The following CASD1 variants were observed in gnomAD, a reference collection of about 807,000 sequenced individuals.
CASD1 encodes the protein CAS1 domain sialic acid O acetyltransferase 1.
A neutral mutation model predicts 100.0 loss-of-function variants in CASD1; 41 were observed. The observed-to-expected ratio is 0.41, with a 90% CI of 0.32 to 0.53. CASD1 has a LOEUF of 0.53. CASD1 is among the 20% of genes least tolerant of loss of function. The pLI, the probability that CASD1 is intolerant of heterozygous loss-of-function variation, is 0.25. For synonymous variants in CASD1, 321 were observed against 315.6 expected (o/e 1.02, Z -0.18); for missense variants, 774 against 948.7 (o/e 0.82, Z 2.42).
At chr7:94,623,493 C>T in the CASD1 span, 1 of 812,392 alleles carries the variant, frequency 1.2e-6, no homozygotes, top group Non-Finnish European at 2.1e-6. Flanking sequence ...TCATTCTTTC[C>T]ATTTTCATTA....
At chr7:94,588,269 TC>T in the CASD1 span, 2 of 1,044,272 alleles carry the variant, frequency 1.9e-6, no homozygotes, top group Non-Finnish European at 2.3e-6. Context: ...TTCTCATTTA[TC>T]CCCCTGAAGC....
At chr7:94,601,704 T>C in the CASD1 span, among the ~76,000 whole-genome samples, 1 of 152,082 alleles carries the variant, frequency 6.6e-6, no homozygotes, top group Admixed American at 6.6e-5. Context: ...AATAATACAG[T>C]GTTAGTAAAA....
chr7:94,622,573 T>A, the CASD1 span: 2 of 149,144 alleles, frequency 1.3e-5, no homozygotes, highest in Non-Finnish European at 3.0e-5. Flanking sequence ...AGGTTGCAGT[T>A]AGCCGAGATG....
At chr7:94,618,873 A>G in the CASD1 span, 2 of 1,613,946 alleles carry the variant, frequency 1.2e-6, no homozygotes, top group Middle Eastern at 1.6e-4. Context: ...GCGCCAAGAA[A>G]GTCTCCAAGA....
At chr7:94,601,443 CAAAAAAAAAAAAA>C in the CASD1 span, among the ~76,000 whole-genome samples, 37 of 89,340 alleles carry the variant, frequency 4.1e-4, no homozygotes, top group African/African-American at 1.6e-3. Context: ...ATCCCAGTAT[CAAAAAAAAAAAAA>C]AAAAAAAAAA....
At chr7:94,567,202 A>G in the CASD1 span, among the ~76,000 whole-genome samples, 1 of 151,140 alleles carries the variant, frequency 6.6e-6, no homozygotes, top group Middle Eastern at 3.4e-3. Flanking sequence ...TTGCTTCGTG[A>G]TTGTCAGAGG....
At chr7:94,595,417 A>T in the CASD1 span, among the ~76,000 whole-genome samples, 1 of 152,158 alleles carries the variant, frequency 6.6e-6, no homozygotes, top group Non-Finnish European at 1.5e-5. Context: ...CAATCTGAAG[A>T]ATAAACATGA....
chr7:94,522,793 G>A (rs980966410), intron 3 of CASD1, among the ~76,000 whole-genome samples: 1 of 152,076 alleles, frequency 6.6e-6, no homozygotes, highest in Non-Finnish European at 1.5e-5. Flanking sequence ...CAGTAGCTGG[G>A]ACTACAGGCG....
At chr7:94,532,337 T>A (rs1794891602) in intron 5 of CASD1, among the ~76,000 whole-genome samples, 1 of 152,118 alleles carries the variant, frequency 6.6e-6, no homozygotes, top group Non-Finnish European at 1.5e-5. Context: ...ATTTTTGAGC[T>A]TTGGGGTCAT....
the CASD1 span, chr7:94,598,082 T>C: frequency 1.3e-5 from 2 of 156,934 alleles, no homozygotes; most frequent in East Asian, 3.8e-4. Flanking sequence ...TATAAAAATG[T>C]GGCCACTAGG....
chr7:94,536,588 T>C (rs986165950), intron 8 of CASD1, among the ~76,000 whole-genome samples: 2 of 152,160 alleles, frequency 1.3e-5, no homozygotes, highest in African/African-American at 4.8e-5. Context: ...TAAAAACTGG[T>C]TAAGAACCTT....
the CASD1 span, chr7:94,603,523 A>G: frequency 6.9e-7 from 1 of 1,444,582 alleles, no homozygotes; most frequent in Non-Finnish European, 9.6e-7. Flanking sequence ...TCCACCTTAA[A>G]AGCAGGATTT....
chr7:94,613,931 T>C, the CASD1 span, among the ~76,000 whole-genome samples: 2 of 151,826 alleles, frequency 1.3e-5, no homozygotes, highest in African/African-American at 4.8e-5. Flanking sequence ...AAAAGTAAGA[T>C]ACAAAATAAA....
chr7:94,629,534 A>G, the CASD1 span: 4 of 589,256 alleles, frequency 6.8e-6, no homozygotes, highest in Non-Finnish European at 1.2e-5. Flanking sequence ...ACATTCAAAA[A>G]TAAATTATTT....
intron 1 of CASD1, 80 bp downstream of exon 1, chr7:94,510,297 A>C (rs1170787842): frequency 9.1e-7 from 1 of 1,093,102 alleles, no homozygotes; most frequent in African/African-American, 1.7e-5. Context: ...CCCATCGCCC[A>C]ACACACGCCC....
the CASD1 span, among the ~76,000 whole-genome samples, chr7:94,573,681 T>A: frequency 6.6e-6 from 1 of 152,192 alleles, no homozygotes; most frequent in South Asian, 2.1e-4. Flanking sequence ...GCAAACAGAA[T>A]AGTTTGATAT....
the CASD1 span, among the ~76,000 whole-genome samples, chr7:94,593,029 C>CT: frequency 6.6e-6 from 1 of 152,116 alleles, no homozygotes; most frequent in Non-Finnish European, 1.5e-5. Flanking sequence ...CCCTGAAACA[C>CT]TGTCTTCAAC....
the CASD1 span, chr7:94,625,646 T>C: frequency 6.6e-6 from 1 of 152,180 alleles, no homozygotes; most frequent in Admixed American, 6.6e-5. Context: ...GGCAAACTAT[T>C]ACAGGTGGTC....
the CASD1 span, chr7:94,588,459 T>A: frequency 3.0e-6 from 4 of 1,345,660 alleles, no homozygotes; most frequent in Non-Finnish European, 3.8e-6. Context: ...AGACAGGACC[T>A]CCATGGATGC....
Sources: gnomAD v4.1 joint callset for allele counts (sites outside exome capture counted in the v4.1 genomes callset) on GRCh38, gnomAD v4.1.1 for gene constraint, MANE v1.5 for transcripts, NCBI Gene and HGNC (gene_info 2026-07-23, HGNC 2026-07-21) for gene names.